KIFAP3: variants seen among roughly 807,000 people sequenced by gnomAD.
KIFAP3 encodes the protein kinesin associated protein 3.
In KIFAP3, 68 loss-of-function variants were observed where a neutral mutation model predicts 106.5. The ratio of observed to expected loss-of-function variants is 0.64; its 90% CI spans 0.53 to 0.78. The LOEUF (loss-of-function observed/expected upper bound fraction) is 0.78, where lower values mean the gene tolerates loss of function less well. Among genes scored for constraint, KIFAP3 ranks in the 30% least tolerant of loss-of-function variants. The probability of loss-of-function intolerance (pLI) is 0.00; values close to 1 mark genes in which losing one functional copy is unlikely to be tolerated. For missense variants in KIFAP3, 780 were observed against 941.8 expected, an observed-to-expected ratio of 0.83 and a Z score of 2.25; for synonymous variants, 320 against 311.5, an observed-to-expected ratio of 1.03 and a Z score of -0.29.
chr1:169,975,783 A>G (rs963557565), intron 16 of KIFAP3, among the ~76,000 whole-genome samples: 1 of 152,088 alleles, frequency 6.6e-6, no homozygotes, highest in Non-Finnish European at 1.5e-5. Context: ...CCTGGCTTAG[A>G]AAACATTTCT....
intron 19 of KIFAP3, among the ~76,000 whole-genome samples, chr1:169,937,758 C>T (rs1367193623): frequency 6.6e-6 from 1 of 151,754 alleles, no homozygotes; most frequent in Non-Finnish European, 1.5e-5. Context: ...GTTACACCAT[C>T]CTCTAAAGAT....
chr1:169,953,913 T>C (rs1200830012), intron 19 of KIFAP3, 98 bp downstream of exon 19: 2 of 817,592 alleles, frequency 2.4e-6, no homozygotes, highest in South Asian at 1.4e-5. Flanking sequence ...TTTTCCCCCC[T>C]CTTAATGAAA....
intron 19 of KIFAP3, among the ~76,000 whole-genome samples, chr1:169,953,575 C>T (rs1664840724): frequency 1.3e-5 from 2 of 152,038 alleles, no homozygotes; most frequent in African/African-American, 2.4e-5. Flanking sequence ...AGTGCAGTGG[C>T]GTGATCTCGG....
At chr1:169,940,100 G>A (rs532285892) in intron 19 of KIFAP3, among the ~76,000 whole-genome samples, 6 of 152,306 alleles carry the variant, frequency 3.9e-5, no homozygotes, top group South Asian at 2.1e-4. Flanking sequence ...GGGGTCTAGA[G>A]TAAAAATGGG....
chr1:170,007,869 T>C (rs900605325), intron 10 of KIFAP3, among the ~76,000 whole-genome samples: 3 of 152,224 alleles, frequency 2.0e-5, no homozygotes, highest in South Asian at 2.1e-4. Context: ...CTTCAAACTA[T>C]ACTACAAGGC....
intron 9 of KIFAP3, among the ~76,000 whole-genome samples, chr1:170,018,681 C>T (rs765133259): frequency 6.6e-5 from 10 of 150,698 alleles, no homozygotes; most frequent in Non-Finnish European, 1.5e-4. Context: ...ATTTATACCA[C>T]CCATTTCATA....
chr1:170,015,167 T>C (rs1668442998), intron 10 of KIFAP3, among the ~76,000 whole-genome samples: 1 of 152,214 alleles, frequency 6.6e-6, no homozygotes, highest in Non-Finnish European at 1.5e-5. Context: ...TTTTAAATCA[T>C]ACATTTTATC....
chr1:169,981,017 C>T (rs1255911783), intron 15 of KIFAP3, among the ~76,000 whole-genome samples: 1 of 152,176 alleles, frequency 6.6e-6, no homozygotes, highest in Non-Finnish European at 1.5e-5. Flanking sequence ...AGGAGAATCG[C>T]TTGAACCCGG....
chr1:169,955,276 T>TG (rs1422246837), intron 18 of KIFAP3, among the ~76,000 whole-genome samples: 2 of 152,206 alleles, frequency 1.3e-5, no homozygotes, highest in Non-Finnish European at 1.5e-5. Flanking sequence ...CTAGGTCCTG[T>TG]GGGAAATGTA....
chr1:169,948,166 C>A (rs1664540011), intron 19 of KIFAP3, among the ~76,000 whole-genome samples: 1 of 151,630 alleles, frequency 6.6e-6, no homozygotes, highest in Admixed American at 6.6e-5. Flanking sequence ...TTCTTTATTA[C>A]CAAATGCCTT....
At position 170,006,831 on chromosome 1, in the gene KIFAP3, A is replaced by T. The variant is rs1667990530; in HGVS notation, c.1183+9631T>A. Among the ~76,000 whole-genome samples the T allele has an allele frequency of 2.6e-5, 4 of 152,166 alleles. No individual in the cohort carries two copies. In the South Asian group the frequency reaches 8.3e-4, roughly 32 times the overall value. On this transcript the variant is annotated intron_variant, in intron 10 of 19. Transcript: ENST00000361580. ...CAACAAAATCAGGGAGGAGGCTGAGATTATTTCTATTGCTATTTAGAAGAC... is the reference window on the plus strand; with the variant it reads ...CAACAAAATCAGGGAGGAGGCTGAGTTTATTTCTATTGCTATTTAGAAGAC...
intron 11 of KIFAP3, among the ~76,000 whole-genome samples, chr1:169,988,457 A>AT (rs1207276083): frequency 6.6e-6 from 1 of 151,938 alleles, no homozygotes; most frequent in Non-Finnish European, 1.5e-5. Context: ...ATACATGAGG[A>AT]TTTTTACCAA....
intron 1 of KIFAP3, among the ~76,000 whole-genome samples, chr1:170,063,535 T>C (rs1211350411): frequency 2.0e-5 from 3 of 152,198 alleles, no homozygotes. Flanking sequence ...GAGGCTTGTA[T>C]GAGTAACACT....
chr1:169,954,187 A>T (rs1664885195), intron 18 of KIFAP3, 77 bp from the exon 19 acceptor site: 1 of 828,136 alleles, frequency 1.2e-6, no homozygotes, highest in Non-Finnish European at 2.0e-6. Flanking sequence ...ACAATAAGAA[A>T]ATAACTTGTA....
chr1:170,034,950 A>T (rs1669605042), intron 6 of KIFAP3, among the ~76,000 whole-genome samples: 1 of 151,974 alleles, frequency 6.6e-6, no homozygotes, highest in Non-Finnish European at 1.5e-5. Context: ...TTTATTTGCT[A>T]ATACTAGCAC....
chr1:169,989,580 C>G (rs1667000186), intron 11 of KIFAP3, among the ~76,000 whole-genome samples: 1 of 151,972 alleles, frequency 6.6e-6, no homozygotes, highest in Admixed American at 6.6e-5. Flanking sequence ...TTATTGAAAA[C>G]TTGTTTGACA....
intron 8 of KIFAP3, among the ~76,000 whole-genome samples, chr1:170,029,046 G>C (rs932600051): frequency 1.3e-5 from 2 of 151,906 alleles, no homozygotes; most frequent in African/African-American, 4.8e-5. Context: ...TAAAAGGATA[G>C]ACAAATATAT....
At chr1:169,966,524 T>C (rs937676790) in intron 17 of KIFAP3, among the ~76,000 whole-genome samples, 1 of 150,806 alleles carries the variant, frequency 6.6e-6, no homozygotes, top group Non-Finnish European at 1.5e-5. Flanking sequence ...AGTTTTTCCA[T>C]TTAAAGTCTT....
intron 1 of KIFAP3, among the ~76,000 whole-genome samples, chr1:170,084,664 A>G (rs577268664): frequency 6.6e-6 from 1 of 152,278 alleles, no homozygotes; most frequent in African/African-American, 2.4e-5. Flanking sequence ...ACATACAAGG[A>G]CACAAAAGTA....
Sources: gnomAD v4.1 joint callset for allele counts (sites outside exome capture counted in the v4.1 genomes callset) on GRCh38, gnomAD v4.1.1 for gene constraint, MANE v1.5 for transcripts, NCBI Gene and HGNC (gene_info 2026-07-23, HGNC 2026-07-21) for gene names.